Variants in ANKRD13C observed in about 807,000 individuals in gnomAD.
The protein encoded by ANKRD13C is ankyrin repeat domain-containing protein 13C.
In ANKRD13C, 16 loss-of-function variants were observed where a neutral mutation model predicts 65.5. That is an observed-to-expected ratio of 0.24 (90% CI 0.17 to 0.37). ANKRD13C has a LOEUF of 0.37. Ranked by LOEUF, ANKRD13C falls within the 10% of genes least tolerant of loss-of-function variation. The pLI, the probability that ANKRD13C is intolerant of heterozygous loss-of-function variation, is 1.00. For synonymous variants in ANKRD13C, 235 were observed against 238.7 expected (o/e 0.98, Z 0.14); for missense variants, 503 against 655.9 (o/e 0.77, Z 2.55).
At chr1:70,271,028 A>G in intron 11 of ANKRD13C, 72 bp from the exon 12 acceptor site, 1 of 917,422 alleles carries the variant, frequency 1.1e-6, no homozygotes, top group Non-Finnish European at 1.7e-6. Context: ...TTTCAACTAC[A>G]TGCTTCAAAC....
At chr1:70,290,372 T>C (rs1015426907) in intron 9 of ANKRD13C, among the ~76,000 whole-genome samples, 1 of 152,160 alleles carries the variant, frequency 6.6e-6, no homozygotes, top group African/African-American at 2.4e-5. Flanking sequence ...CAAGCCTCTT[T>C]GTAGTATGTA....
chr1:70,292,612 T>C, intron 8 of ANKRD13C, 63 bp from the exon 9 acceptor site: 4 of 1,235,630 alleles, frequency 3.2e-6, no homozygotes, highest in East Asian at 5.0e-5. Flanking sequence ...CAAGGTAATA[T>C]ATTTTTCCAT....
intron 3 of ANKRD13C, among the ~76,000 whole-genome samples, chr1:70,317,200 A>G (rs1359552949): frequency 6.6e-6 from 1 of 152,160 alleles, no homozygotes; most frequent in African/African-American, 2.4e-5. Flanking sequence ...TCAAAGAACA[A>G]TGCTTAAATT....
rs750971651 is a variant in ANKRD13C at position 70,325,009 on chromosome 1, CTAAATA to C, written c.473-58_473-53del. On this transcript the variant is annotated intron_variant, in intron 2 of 12. Coordinates refer to ENST00000370944, the MANE Select transcript of ANKRD13C (RefSeq NM_030816.5). The stretch of plus-strand genomic sequence containing the variant: ...AAACATCATGCAATTTTTAGAATCT[CTAAATA>C]TAAATATATAAAAGTTTAATAAACC... 2.1e-5 allele frequency: 26 copies of C among 1,252,644 alleles called. No individual in the cohort carries two copies. In the African/African-American group the frequency reaches 2.6e-4, roughly 12 times the overall value. The allele number at this position is 1,252,644 out of a possible 1,614,324, so 77.6% of individuals were successfully genotyped here. A position where few individuals can be genotyped will look rare whatever the true frequency, so the allele number is the denominator to read the frequency against.
At chr1:70,349,630 ATAGTT>A (rs1238841030) in intron 1 of ANKRD13C, among the ~76,000 whole-genome samples, 2 of 152,214 alleles carry the variant, frequency 1.3e-5, no homozygotes, top group African/African-American at 4.8e-5. Flanking sequence ...CAAATCAGTG[ATAGTT>A]TAAACTGAAA....
chr1:70,351,554 C>T (rs1322437444), intron 1 of ANKRD13C, among the ~76,000 whole-genome samples: 1 of 152,066 alleles, frequency 6.6e-6, no homozygotes, highest in Non-Finnish European at 1.5e-5. Context: ...CATGCACCAC[C>T]ATGCCAGGCT....
intron 1 of ANKRD13C, among the ~76,000 whole-genome samples, chr1:70,342,771 C>A (rs565346798): frequency 3.4e-5 from 5 of 148,866 alleles, no homozygotes; most frequent in East Asian, 2.0e-4. Flanking sequence ...CACACACACA[C>A]AAAATAACAC....
intron 12 of ANKRD13C, among the ~76,000 whole-genome samples, chr1:70,269,879 T>C (rs919326685): frequency 1.3e-5 from 2 of 152,168 alleles, no homozygotes; most frequent in Non-Finnish European, 2.9e-5. Flanking sequence ...TAAAACAAGA[T>C]ACATCTGAAG....
At chr1:70,327,639 T>C (rs941543200) in intron 2 of ANKRD13C, among the ~76,000 whole-genome samples, 8 of 152,218 alleles carry the variant, frequency 5.3e-5, no homozygotes, top group African/African-American at 9.6e-5. Flanking sequence ...ATATCATTAA[T>C]TTTCCTTGGT....
chr1:70,274,904 T>C, intron 10 of ANKRD13C, 86 bp from the exon 11 acceptor site: 1 of 802,690 alleles, frequency 1.2e-6, no homozygotes, highest in South Asian at 1.5e-5. Context: ...TTCAATGACA[T>C]TCATTAATAT....
chr1:70,313,281 C>T (rs985679714), intron 5 of ANKRD13C, among the ~76,000 whole-genome samples: 1 of 152,076 alleles, frequency 6.6e-6, no homozygotes, highest in African/African-American at 2.4e-5. Context: ...GTAATCCCAG[C>T]ACTTTGAGAG....
At chr1:70,334,173 AAGTT>A (rs906026289) in intron 2 of ANKRD13C, among the ~76,000 whole-genome samples, 3 of 152,154 alleles carry the variant, frequency 2.0e-5, no homozygotes, top group Middle Eastern at 3.4e-3. Flanking sequence ...ATAAATTTAA[AAGTT>A]AGTTAGGTAT....
At chr1:70,341,465 G>A (rs1277206954) in intron 1 of ANKRD13C, among the ~76,000 whole-genome samples, 2 of 149,566 alleles carry the variant, frequency 1.3e-5, no homozygotes, top group Admixed American at 6.7e-5. Flanking sequence ...AGGTTCAAGC[G>A]ATTCTCCTGC....
Position 70,354,287 on chromosome 1 carries a change from C to T in ANKRD13C, c.122G>A (p.Ser41Asn). The change falls in exon 1 of 13, where the codon AGC becomes AAC. Residue 41 changes from serine (S) to asparagine (N), a missense_variant. By Grantham distance (46) the Ser-to-Asn change is conservative (BLOSUM62 1). Coordinates refer to ENST00000370944, the MANE Select transcript of ANKRD13C (RefSeq NM_030816.5). ...AGCTTTGCCGCCCTTGCCAATCCTG[C>T]TTCTGGTAAAGGTACCGCCGAGGGC... Reference protein sequence around the residue: ...AAALGGTFTRSRIGKGGKACH... With the variant: ...AAALGGTFTRNRIGKGGKACH... The T allele has an allele frequency of 3.1e-6, 5 of 1,613,972 alleles. No individual in the cohort carries two copies. The highest frequency in any genetic ancestry group is 1.1e-5 in the South Asian group (1 of 91,080).
At chr1:70,270,285 C>T (rs1451885186) in intron 12 of ANKRD13C, among the ~76,000 whole-genome samples, 1 of 152,154 alleles carries the variant, frequency 6.6e-6, no homozygotes, top group African/African-American at 2.4e-5. Flanking sequence ...CCACACTTTT[C>T]TTGTGTGAAA....
intron 5 of ANKRD13C, among the ~76,000 whole-genome samples, chr1:70,309,715 C>CAAAAAA (rs1165416550): frequency 1.2e-4 from 16 of 138,854 alleles, no homozygotes; most frequent in African/African-American, 2.9e-4. Context: ...GACTCCGTCG[C>CAAAAAA]AAAAAAAAAA....
At chr1:70,332,798 G>A (rs772474692) in intron 2 of ANKRD13C, among the ~76,000 whole-genome samples, 6 of 152,026 alleles carry the variant, frequency 3.9e-5, no homozygotes, top group Admixed American at 6.6e-5. Flanking sequence ...GATATAAACC[G>A]ATGATGAAGC....
chr1:70,342,142 G>A (rs937119104), intron 1 of ANKRD13C, among the ~76,000 whole-genome samples: 3 of 151,820 alleles, frequency 2.0e-5, no homozygotes, highest in Non-Finnish European at 2.9e-5. Context: ...CTCCATTTTG[G>A]ACAAGTTAAT....
intron 6 of ANKRD13C, among the ~76,000 whole-genome samples, chr1:70,303,358 A>C (rs958287420): frequency 2.0e-5 from 3 of 152,216 alleles, no homozygotes; most frequent in Non-Finnish European, 4.4e-5. Context: ...AAGAACAATA[A>C]GTTCTTTATA....
Sources: allele counts gnomAD v4.1 joint callset (sites outside exome capture counted in the v4.1 genomes callset), GRCh38; gene constraint gnomAD v4.1.1; transcripts MANE v1.5; gene names NCBI Gene and HGNC (gene_info 2026-07-23, HGNC 2026-07-21).